The following COL27A1 variants were observed in gnomAD, a reference collection of about 807,000 sequenced individuals.
The protein encoded by COL27A1 is collagen alpha-1(XXVII) chain.
COL27A1 carries 106 observed loss-of-function variants against 251.3 expected under a neutral mutation model. The ratio of observed to expected loss-of-function variants is 0.42; its 90% CI spans 0.36 to 0.50. The LOEUF is 0.50. Among genes scored for constraint, COL27A1 ranks in the 20% least tolerant of loss-of-function variants. COL27A1 has a pLI of 0.00. For synonymous variants in COL27A1, 1,000 were observed against 986.3 expected, an observed-to-expected ratio of 1.01 and a Z score of -0.26; for missense variants, 2,325 against 2,522.8, an observed-to-expected ratio of 0.92 and a Z score of 1.68.
In COL27A1 at chr9:114,168,077, C is replaced by G. The variant is rs1350972747; in HGVS notation, c.522C>G (p.Cys174Trp). The change falls in exon 3 of 61, where the codon TGC becomes TGG. Residue 174 changes from cysteine to tryptophan, a missense_variant. This residue lies in a region of COL27A1 where 1,183 missense variants were observed against 1,144.1 expected (regional missense o/e 1.03). Transcript: ENST00000356083. ...RGRTVTLVTACGQRRVPVLLP... is the reference protein window; with the variant it reads ...RGRTVTLVTAWGQRRVPVLLP... ...GCACAGTCACTCTGGTGACTGCCTG[C>G]GGGCAGCGCCGGGTGCCTGTCCTGC... 3 of 1,609,860 alleles carry G rather than the reference C, an allele frequency of 1.9e-6. No homozygotes were observed. Among genetic ancestry groups the G allele is most frequent in the African/African-American group, 2.7e-5 (2 of 74,930 alleles).
At position 114,265,475 on chromosome 9, in the gene COL27A1, G is replaced by A. The variant is rs140849642; in HGVS notation, c.3393G>A (p.Pro1131=). 2.7e-4 allele frequency: 431 copies of A among 1,613,654 alleles called. 1 individual carries two copies. Among genetic ancestry groups the A allele is most frequent in the Middle Eastern group, 1.2e-3 (7 of 6,082 alleles). ...GCACCAAGGGCCTCCCAGGAGAACC[G>A]GTAAGAGCCCTTTCCTTCCCTCTTC... is the stretch of plus-strand genomic sequence containing the variant. ...PPGTKGLPGE[P]GPQGPQGPIG... The change falls in exon 32 of 61, where the codon CCG becomes CCA. Residue 1131 remains proline (P), a splice_region_variant and synonymous_variant. Transcript: ENST00000356083.
chr9:114,250,715 T>C, intron 25 of COL27A1, 47 bp downstream of exon 25: 2 of 1,578,546 alleles, frequency 1.3e-6, no homozygotes, highest in Non-Finnish European at 1.7e-6. Context: ...GCTTGTGTTT[T>C]GAAATTGTAA....
In COL27A1 at chr9:114,310,786, G is replaced by A; in HGVS notation, c.*91G>A. 7.1e-7 allele frequency: 1 copy of A among 1,412,846 alleles called. No homozygotes were observed. Among genetic ancestry groups the A allele is most frequent in the South Asian group, 1.3e-5 (1 of 79,490 alleles). The allele number at this position is 1,412,846 out of a possible 1,614,324, so 87.5% of individuals were successfully genotyped here. On this transcript the variant is annotated 3_prime_UTR_variant, in exon 61 of 61. Coordinates refer to ENST00000356083, the MANE Select transcript of COL27A1 (RefSeq NM_032888.4). ...CTGAGGGGCAGATGGCTCCAGGAGA[G>A]GCAGCTCCCCTGCCCAAGGGTCCTT...
At position 114,311,014 on chromosome 9, in the gene COL27A1, A is replaced by G. The variant is rs1302634468; in HGVS notation, c.*319A>G. 1 of 273,682 alleles carries G rather than the reference A, an allele frequency of 3.7e-6. No homozygotes were observed. Among genetic ancestry groups the G allele is most frequent in the Non-Finnish European group, 6.9e-6 (1 of 144,318 alleles). 17.0% of individuals were successfully genotyped at this position (273,682 alleles called of 1,614,324 possible). On this transcript the variant is annotated 3_prime_UTR_variant, in exon 61 of 61. Transcript: ENST00000356083. ...GTTCCCTCCCCAGCTTCCTGCCCAA[A>G]GAGCCCCACATTCAAGCCAACTTGA...
intron 18 of COL27A1, 63 bp from the exon 19 acceptor site, chr9:114,237,599 C>A: frequency 7.3e-7 from 1 of 1,366,834 alleles, no homozygotes; most frequent in Non-Finnish European, 1.0e-6. Flanking sequence ...CGGGGGAACG[C>A]AGGGGGTTCA....
intron 56 of COL27A1, 170 bp from the exon 57 acceptor site, chr9:114,304,438 T>C: frequency 3.2e-6 from 2 of 634,154 alleles, no homozygotes; most frequent in South Asian, 3.7e-5. Context: ...GGAAAGGGAA[T>C]GGCAGGGTCA....
At chr9:114,268,349 G>A (rs554603156) in intron 34 of COL27A1, among the ~76,000 whole-genome samples, 61 of 152,222 alleles carry the variant, frequency 4.0e-4, no homozygotes, top group African/African-American at 1.4e-3. Context: ...GCAGGGCTGG[G>A]GGCTCAGAGC....
chr9:114,185,810 G>A (rs539970706), intron 5 of COL27A1, among the ~76,000 whole-genome samples: 1 of 152,346 alleles, frequency 6.6e-6, no homozygotes, highest in South Asian at 2.1e-4. Flanking sequence ...CTTGCCCTGG[G>A]GGCACGGAAC....
intron 56 of COL27A1, among the ~76,000 whole-genome samples, chr9:114,303,960 G>C (rs1277590755): frequency 6.6e-6 from 1 of 152,240 alleles, no homozygotes; most frequent in African/African-American, 2.4e-5. Context: ...GATGAGTCTA[G>C]GGCAGGTTTT....
At chr9:114,175,011 TA>T (rs1827297866) in intron 3 of COL27A1, among the ~76,000 whole-genome samples, 1 of 9,716 alleles carries the variant, frequency 1.0e-4, no homozygotes, top group African/African-American at 7.1e-4. Flanking sequence ...TTTGGTCTCC[TA>T]AACCCCAGGC....
intron 49 of COL27A1, among the ~76,000 whole-genome samples, chr9:114,294,774 G>C (rs1043053738): frequency 6.6e-6 from 1 of 152,204 alleles, no homozygotes; most frequent in Admixed American, 6.5e-5. Flanking sequence ...GAGCAGAGCA[G>C]AAACAAGTCA....
Position 114,288,775 on chromosome 9 carries a change from C to T in COL27A1, c.4098+20C>T, listed in dbSNP as rs760540118. The T allele has an allele frequency of 1.2e-5, 20 of 1,608,136 alleles. No individual in the cohort carries two copies. The highest frequency in any genetic ancestry group is 1.4e-5 in the Non-Finnish European group (16 of 1,175,372). Reference sequence around the variant, plus strand: ...TACCCTGTAAGTATCAGAGCTCCTACCTGCTGGCAGGATCGGGCATGTCAG... The same window carrying T: ...TACCCTGTAAGTATCAGAGCTCCTATCTGCTGGCAGGATCGGGCATGTCAG... On this transcript the variant is annotated intron_variant, in intron 43 of 60. Coordinates refer to ENST00000356083, the MANE Select transcript of COL27A1 (RefSeq NM_032888.4).
intron 57 of COL27A1, among the ~76,000 whole-genome samples, chr9:114,305,430 C>G (rs1285924530): frequency 6.6e-6 from 1 of 152,190 alleles, no homozygotes; most frequent in East Asian, 1.9e-4. Context: ...TCCCTAGAAG[C>G]CAGTGATGCC....
At chr9:114,216,663 A>C (rs1031461029) in intron 12 of COL27A1, among the ~76,000 whole-genome samples, 2 of 152,192 alleles carry the variant, frequency 1.3e-5, no homozygotes, top group Non-Finnish European at 2.9e-5. Flanking sequence ...TGTTCCAATC[A>C]GAGATTTGTT....
intron 8 of COL27A1, 111 bp from the exon 9 acceptor site, chr9:114,205,648 C>A: frequency 1.0e-6 from 1 of 1,003,292 alleles, no homozygotes; most frequent in Non-Finnish European, 1.6e-6. Flanking sequence ...TTCCATCTCA[C>A]ATTCCTGCCC....
At position 114,282,346 on chromosome 9, in the gene COL27A1, T is replaced by G; in HGVS notation, c.3771+16T>G. ...TGGAGCCAAGGTAGGTGTCCCCTTC[T>G]GACTTGATAGGCCTGCGTCCCTCCC... On this transcript the variant is annotated intron_variant, in intron 38 of 60. Coordinates refer to ENST00000356083, the MANE Select transcript of COL27A1 (RefSeq NM_032888.4). 2 of 1,613,974 alleles carry G rather than the reference T, an allele frequency of 1.2e-6. No individual in the cohort carries two copies. Among genetic ancestry groups the G allele is most frequent in the Non-Finnish European group, 1.7e-6 (2 of 1,179,970 alleles).
At chr9:114,245,765 C>T (rs954686462) in intron 23 of COL27A1, 101 bp from the exon 24 acceptor site, 1 of 1,078,402 alleles carries the variant, frequency 9.3e-7, no homozygotes, top group Non-Finnish European at 1.4e-6. Flanking sequence ...CCTGGTTCAT[C>T]CCCACTAATG....
At chr9:114,232,394 C>T (rs1354898263) in intron 16 of COL27A1, among the ~76,000 whole-genome samples, 2 of 152,206 alleles carry the variant, frequency 1.3e-5, no homozygotes, top group Non-Finnish European at 2.9e-5. Flanking sequence ...CCTATCTCAC[C>T]CTGTGCCAAA....
rs558859301 is a variant in COL27A1 at position 114,275,072 on chromosome 9, G to A, written c.3610-589G>A. ...CCAACTGCTGGGCTCAAGCTCTCTT[G>A]TAGCAAGACCCCATTTCTACAAAAA... is the stretch of plus-strand genomic sequence containing the variant. On this transcript the variant is annotated intron_variant, in intron 36 of 60. Transcript: ENST00000356083. 2.7e-4 allele frequency among the ~76,000 whole-genome samples: 40 copies of A among 149,446 alleles called. No homozygotes were observed. In the South Asian group the frequency reaches 8.1e-3, roughly 30 times the overall value.
Sources: gnomAD v4.1 joint callset for allele counts (sites outside exome capture counted in the v4.1 genomes callset) on GRCh38, gnomAD v4.1.1 for gene constraint, gnomAD v4.1.1 regional missense constraint, MANE v1.5 for transcripts, NCBI Gene and HGNC (gene_info 2026-07-23, HGNC 2026-07-21) for gene names.